Variants in POM121C observed in about 807,000 individuals in gnomAD.
POM121C encodes nuclear envelope pore membrane protein POM 121C.
POM121C carries 20 observed loss-of-function variants against 66.4 expected under a neutral mutation model. That is an observed-to-expected ratio of 0.30 (90% CI 0.21 to 0.44). The LOEUF is 0.44. Among genes scored for constraint, POM121C ranks in the 20% least tolerant of loss-of-function variants. POM121C has a pLI of 1.00. For synonymous variants in POM121C, 286 were observed against 528.0 expected, an observed-to-expected ratio of 0.54 and a Z score of 6.28; for missense variants, 580 against 1,225.7, an observed-to-expected ratio of 0.47 and a Z score of 7.87.
chr7:75,463,457 T>C (rs1337132491), intron 3 of POM121C, among the ~76,000 whole-genome samples: 5 of 151,126 alleles, frequency 3.3e-5, no homozygotes, highest in Non-Finnish European at 5.9e-5. Context: ...TTCTTTTTTT[T>C]TTTTTTTTTT....
rs1790473761 is a variant in POM121C, at chr7:75,437,821, G to A, written c.309-135C>T. The A allele has an allele frequency of 5.9e-6, 8 of 1,355,776 alleles. No homozygotes were observed. The South Asian group carries it at 1.3e-4, about 22-fold the overall frequency. 84.0% of individuals were successfully genotyped at this position (1,355,776 alleles called of 1,614,324 possible). ...TTTTAATTTTTACTGCTAACAATCT[G>A]GCCAAATCTATCTGACAAAGTCAGT... is the stretch of plus-strand genomic sequence containing the variant. On this transcript the variant is annotated intron_variant, in intron 6 of 14. Transcript: ENST00000615331.
rs587666798 is a variant in POM121C, at chr7:75,472,250, G to A, written c.-152+2454C>T. 1.3e-4 allele frequency among the ~76,000 whole-genome samples: 20 copies of A among 151,788 alleles called. No homozygotes were observed. In the East Asian group the frequency reaches 3.3e-3, roughly 25 times the overall value. On this transcript the variant is annotated intron_variant, in intron 3 of 14. Transcript: ENST00000615331. Reference sequence around the variant, plus strand: ...AAGGGGGCTGGGTGCAGTGGCTCACGCCTGTAATCCCAGCACTTTGGGAAG... The same window carrying A: ...AAGGGGGCTGGGTGCAGTGGCTCACACCTGTAATCCCAGCACTTTGGGAAG...
chr7:75,449,810 G>A (rs1790960324), intron 3 of POM121C, among the ~76,000 whole-genome samples: 1 of 152,062 alleles, frequency 6.6e-6, no homozygotes, highest in Non-Finnish European at 1.5e-5. Flanking sequence ...GAAGTTAGGA[G>A]TTCGAGACCA....
At chr7:75,439,098 C>CT (rs1790528124) in intron 6 of POM121C, 46 bp downstream of exon 6, 1 of 1,605,576 alleles carries the variant, frequency 6.2e-7, no homozygotes, top group Non-Finnish European at 8.5e-7. Flanking sequence ...CTGATCAGGC[C>CT]TTTTTCCAAA....
chr7:75,448,444 T>C (rs1438893738), intron 3 of POM121C, among the ~76,000 whole-genome samples: 1 of 137,140 alleles, frequency 7.3e-6, no homozygotes, highest in African/African-American at 2.8e-5. Flanking sequence ...AATTGAGGAC[T>C]GATATCAGCA....
chr7:75,439,135 C>G lies in POM121C; in HGVS notation c.308+9G>C. On this transcript the variant is annotated intron_variant, in intron 6 of 14. Transcript: ENST00000615331. ...AGTTGGTATTTCATCTGGATGGACT[C>G]GCACTTACTTAGGCACAAAAGAAGC... 1 of 1,614,152 alleles carries G rather than the reference C, an allele frequency of 6.2e-7. No homozygotes were observed. Among genetic ancestry groups the G allele is most frequent in the Non-Finnish European group, 8.5e-7 (1 of 1,179,974 alleles).
At chr7:75,419,698 C>T (rs1355918671) in intron 13 of POM121C, 8 of 492,884 alleles carry the variant, frequency 1.6e-5, no homozygotes, top group Middle Eastern at 5.2e-4. Context: ...GCAGCCACCT[C>T]GTGGGCCTCC....
In POM121C at chr7:75,474,388, C is replaced by T. The variant is rs587714755; in HGVS notation, c.-152+316G>A. On this transcript the variant is annotated intron_variant, in intron 3 of 14. Transcript: ENST00000615331. ...CAGCCTGGGTGACAGAACAAGACTC[C>T]GTCTCCAAAAACCAAACAAAAAAAC... 1.7e-4 allele frequency among the ~76,000 whole-genome samples: 26 copies of T among 152,140 alleles called. No individual in the cohort carries two copies. The South Asian group carries it at 2.7e-3, about 16-fold the overall frequency.
At chr7:75,478,919 T>A in intron 1 of POM121C, among the ~76,000 whole-genome samples, 1 of 142,210 alleles carries the variant, frequency 7.0e-6, no homozygotes, top group Non-Finnish European at 1.5e-5. Context: ...AACAGAAACA[T>A]GAAAAAAATG....
intron 3 of POM121C, among the ~76,000 whole-genome samples, chr7:75,447,578 A>G (rs1319206496): frequency 2.0e-5 from 3 of 151,902 alleles, no homozygotes; most frequent in Non-Finnish European, 4.4e-5. Flanking sequence ...TTTATGCCCA[A>G]TGAAAATATA....
At chr7:75,461,872 C>T (rs1277760488) in intron 3 of POM121C, among the ~76,000 whole-genome samples, 8 of 151,186 alleles carry the variant, frequency 5.3e-5, no homozygotes, top group Middle Eastern at 3.4e-3. Flanking sequence ...AAGAGTGAGT[C>T]GCAAGGGAAA....
At chr7:75,428,350 G>C (rs1482522263) in intron 7 of POM121C, among the ~76,000 whole-genome samples, 1 of 152,176 alleles carries the variant, frequency 6.6e-6, no homozygotes, top group Non-Finnish European at 1.5e-5. Flanking sequence ...ATGTTGGCCA[G>C]GATGGTCTTG....
At position 75,449,948 on chromosome 7, in the gene POM121C, G is replaced by A. The variant is rs187652795; in HGVS notation, c.-151-8301C>T. ...GAGAATCGCTTGAACCCAGGAGGTGGAGGTTGAGTGAGCCGAGATCGTGCC... is the reference window on the plus strand; with the variant it reads ...GAGAATCGCTTGAACCCAGGAGGTGAAGGTTGAGTGAGCCGAGATCGTGCC... On this transcript the variant is annotated intron_variant, in intron 3 of 14. Transcript: ENST00000615331. Among the ~76,000 whole-genome samples the A allele has an allele frequency of 3.2e-3, 492 of 152,282 alleles. 2 individuals are homozygous for A. Among genetic ancestry groups the A allele is most frequent in the African/African-American group, 0.011 (469 of 41,554 alleles).
chr7:75,428,749 G>T (rs587762312), intron 7 of POM121C, among the ~76,000 whole-genome samples: 15 of 152,348 alleles, frequency 9.8e-5, no homozygotes, highest in African/African-American at 3.6e-4. Flanking sequence ...GGAGGCTGAG[G>T]CAGGAGGATC....
At chr7:75,455,122 T>C (rs1171848865) in intron 3 of POM121C, among the ~76,000 whole-genome samples, 35 of 152,144 alleles carry the variant, frequency 2.3e-4, no homozygotes, top group Non-Finnish European at 3.8e-4. Context: ...ACGAAGAGCC[T>C]TGTAAATCAG....
At chr7:75,479,295 A>G (rs1262357871) in intron 1 of POM121C, among the ~76,000 whole-genome samples, 2 of 152,170 alleles carry the variant, frequency 1.3e-5, no homozygotes, top group Admixed American at 6.5e-5. Flanking sequence ...GTAACTGTGT[A>G]TTTTCTCTCA....
At chr7:75,420,708 G>A (rs1361605221) in intron 13 of POM121C, 1 of 152,188 alleles carries the variant, frequency 6.6e-6, no homozygotes, top group East Asian at 1.9e-4. Context: ...TCTTCCACAC[G>A]GGAGGAACCA....
chr7:75,435,177 T>C (rs1369181271), intron 7 of POM121C, among the ~76,000 whole-genome samples: 6 of 152,224 alleles, frequency 3.9e-5, no homozygotes, highest in African/African-American at 1.4e-4. Flanking sequence ...AACCCAACGT[T>C]TGTCAATAGA....
rs587745753 is a variant in POM121C, at chr7:75,455,778, T to G, written c.-151-14131A>C. ...ATCTACCGTGTCTATTTTCATTGCA[T>G]TCCTATCAGTTTACTGCACTGTGCT... On this transcript the variant is annotated intron_variant, in intron 3 of 14. Coordinates refer to ENST00000615331, the MANE Select transcript of POM121C (RefSeq NM_001099415.3). 9.8e-5 allele frequency among the ~76,000 whole-genome samples: 15 copies of G among 152,346 alleles called. No individual in the cohort carries two copies. In the South Asian group the frequency reaches 1.9e-3, roughly 19 times the overall value.
Sources: gnomAD v4.1 joint callset for allele counts (sites outside exome capture counted in the v4.1 genomes callset) on GRCh38, gnomAD v4.1.1 for gene constraint, MANE v1.5 for transcripts, NCBI Gene and HGNC (gene_info 2026-07-23, HGNC 2026-07-21) for gene names.